The following IGF2R variants were observed in gnomAD, a reference collection of about 807,000 sequenced individuals.
IGF2R encodes the protein insulin like growth factor 2 receptor.
A neutral mutation model predicts 270.6 loss-of-function variants in IGF2R; 91 were observed. The ratio of observed to expected loss-of-function variants is 0.34; its 90% CI spans 0.28 to 0.40. IGF2R has a LOEUF of 0.40. IGF2R is among the 10% of genes least tolerant of loss of function. The pLI is 1.00. For missense variants in IGF2R, 2,805 were observed against 3,188.3 expected, an observed-to-expected ratio of 0.88 and a Z score of 2.90; for synonymous variants, 1,316 against 1,258.9, an observed-to-expected ratio of 1.05 and a Z score of -0.96.
At chr6:160,081,081 A>G (rs1305705504) in intron 39 of IGF2R, among the ~76,000 whole-genome samples, 2 of 151,486 alleles carry the variant, frequency 1.3e-5, no homozygotes, top group African/African-American at 2.4e-5. Flanking sequence ...AGCCGAGATC[A>G]TGCCACTTCA....
intron 29 of IGF2R, among the ~76,000 whole-genome samples, chr6:160,066,315 A>AT (rs1778585026): frequency 6.7e-6 from 1 of 149,472 alleles, no homozygotes; most frequent in Non-Finnish European, 1.5e-5. Flanking sequence ...GAGCCAGCCT[A>AT]TTTTTTGTAT....
At chr6:159,981,101 C>T (rs1401238355) in intron 1 of IGF2R, among the ~76,000 whole-genome samples, 1 of 152,196 alleles carries the variant, frequency 6.6e-6, no homozygotes, top group Non-Finnish European at 1.5e-5. Context: ...GAACGCCACA[C>T]CCTGGTGTGT....
intron 29 of IGF2R, among the ~76,000 whole-genome samples, chr6:160,067,321 A>G (rs1778607293): frequency 6.6e-6 from 1 of 151,854 alleles, no homozygotes; most frequent in Non-Finnish European, 1.5e-5. Context: ...CTTCTCGGTC[A>G]CGCCTTCTCT....
chr6:160,070,214 C>T (rs576176662), intron 31 of IGF2R, among the ~76,000 whole-genome samples, 156 bp downstream of exon 31: 18 of 152,344 alleles, frequency 1.2e-4, no homozygotes, highest in Admixed American at 5.9e-4. Context: ...AGCGTCGCCG[C>T]GGCCTGCAAT....
At chr6:159,986,151 A>G (rs1783880166) in intron 1 of IGF2R, among the ~76,000 whole-genome samples, 1 of 151,874 alleles carries the variant, frequency 6.6e-6, no homozygotes, top group Non-Finnish European at 1.5e-5. Context: ...GGAATACAGC[A>G]TAGAGTCAGT....
chr6:160,001,627 T>G (rs1393346880), intron 2 of IGF2R, among the ~76,000 whole-genome samples: 2 of 152,164 alleles, frequency 1.3e-5, no homozygotes, highest in African/African-American at 4.8e-5. Flanking sequence ...AAACAAATAT[T>G]AAGACCTCAA....
Position 160,107,020 on chromosome 6 carries a change from C to T in IGF2R, c.*1936C>T, listed in dbSNP as rs1343703158. 6.6e-6 allele frequency: 1 copy of T among 152,218 alleles called. No individual in the cohort carries two copies. Among genetic ancestry groups the T allele is most frequent in the Non-Finnish European group, 1.5e-5 (1 of 68,044 alleles). 9.4% of individuals were successfully genotyped at this position (152,218 alleles called of 1,614,324 possible). On this transcript the variant is annotated 3_prime_UTR_variant, in exon 48 of 48. Transcript: ENST00000356956. Reference sequence around the variant, plus strand: ...TAAACAAACTTCTTAGACTCAACATCCTATTCTCCATCCCTTTTTTTTTCC... The same window carrying T: ...TAAACAAACTTCTTAGACTCAACATTCTATTCTCCATCCCTTTTTTTTTCC...
chr6:160,060,507 C>T (rs376676024), intron 22 of IGF2R, 40 bp from the exon 23 acceptor site: 36 of 1,604,292 alleles, frequency 2.2e-5, no homozygotes, highest in Admixed American at 2.0e-4. Flanking sequence ...GCCATGAATA[C>T]TGTTCTGTCT....
At chr6:160,082,954 C>T (rs567292191) in intron 39 of IGF2R, among the ~76,000 whole-genome samples, 11 of 152,236 alleles carry the variant, frequency 7.2e-5, no homozygotes, top group East Asian at 1.9e-4. Flanking sequence ...TATTTCTAGT[C>T]GGGTGGGATG....
intron 1 of IGF2R, among the ~76,000 whole-genome samples, chr6:159,981,846 T>C (rs1275706318): frequency 6.6e-6 from 1 of 152,210 alleles, no homozygotes; most frequent in East Asian, 1.9e-4. Flanking sequence ...CGTGTTTGAC[T>C]TAGGGCTTCC....
chr6:160,013,227 A>G (rs186506833), intron 4 of IGF2R, among the ~76,000 whole-genome samples: 208 of 152,270 alleles, frequency 1.4e-3, no homozygotes, highest in African/African-American at 3.3e-3. Flanking sequence ...CTTGTTTTCA[A>G]TGGGTCAGAA....
intron 45 of IGF2R, among the ~76,000 whole-genome samples, chr6:160,097,439 C>T (rs977216953): frequency 6.6e-6 from 1 of 152,168 alleles, no homozygotes; most frequent in African/African-American, 2.4e-5. Context: ...AGACGATTCT[C>T]CTGCCTCAGC....
intron 30 of IGF2R, among the ~76,000 whole-genome samples, chr6:160,069,033 C>G (rs1215941478): frequency 2.0e-5 from 3 of 151,964 alleles, no homozygotes; most frequent in Non-Finnish European, 4.4e-5. Context: ...TCCTTCTTAG[C>G]AGGTAGAAGA....
intron 41 of IGF2R, among the ~76,000 whole-genome samples, chr6:160,087,628 A>C (rs747849823): frequency 1.3e-5 from 2 of 152,144 alleles, no homozygotes; most frequent in Non-Finnish European, 2.9e-5. Context: ...CTGGCCTTTA[A>C]ACCAGATTTT....
rs1778935042 is a variant in IGF2R at position 160,079,660 on chromosome 6, A to G, written c.5559A>G (p.Gly1853=). 2 of 1,569,172 alleles carry G rather than the reference A, an allele frequency of 1.3e-6. No individual in the cohort carries two copies. Among genetic ancestry groups the G allele is most frequent in the Non-Finnish European group, 1.7e-6 (2 of 1,158,336 alleles). The change falls in exon 38 of 48, where the codon GGA becomes GGG. Residue 1853 remains glycine (G), a synonymous_variant. Coordinates refer to ENST00000356956, the MANE Select transcript of IGF2R (RefSeq NM_000876.4). The stretch of plus-strand genomic sequence containing the variant: ...CAGAACAAGGAGGCTGTAAGGACGG[A>G]GGAGTCTGTCTGCTCTCAGGCACCA... ...VGPEQGGCKD[G]GVCLLSGTKG... is the part of the protein sequence containing the mutation.
At chr6:159,990,709 A>G (rs1783964255) in intron 1 of IGF2R, among the ~76,000 whole-genome samples, 1 of 152,060 alleles carries the variant, frequency 6.6e-6, no homozygotes, top group Non-Finnish European at 1.5e-5. Flanking sequence ...GGCTCACTGC[A>G]ACCTCCGTCT....
intron 4 of IGF2R, among the ~76,000 whole-genome samples, chr6:160,012,757 ATATATATTTTTTTTTTTTTTTG>A (rs1479154627): frequency 5.6e-5 from 4 of 71,576 alleles, no homozygotes; most frequent in East Asian, 7.5e-4. Flanking sequence ...ATATATATAT[ATATATATTTTTTTTTTTTTTTG>A]TTTGTTTGTT....
intron 6 of IGF2R, among the ~76,000 whole-genome samples, chr6:160,027,521 C>A (rs1371366133): frequency 6.6e-6 from 1 of 152,252 alleles, no homozygotes; most frequent in Non-Finnish European, 1.5e-5. Context: ...TTGTCTCTTA[C>A]AGCAGTAAAA....
chr6:160,071,295 C>G (rs11967727), intron 31 of IGF2R, among the ~76,000 whole-genome samples: 23,963 of 116,212 alleles, frequency 0.21, 3,099 homozygotes, highest in African/African-American at 0.33. Flanking sequence ...GGGGGTGTGT[C>G]GAGGCCCCTG....
Sources: allele counts gnomAD v4.1 joint callset (sites outside exome capture counted in the v4.1 genomes callset), GRCh38; gene constraint gnomAD v4.1.1; transcripts MANE v1.5; gene names NCBI Gene and HGNC (gene_info 2026-07-23, HGNC 2026-07-21).